Variants in PRELID2 observed in about 807,000 individuals in gnomAD.
The protein encoded by PRELID2 is PRELI domain containing 2, also known as PRELI domain-containing protein 2.
Under a neutral mutation model 28.4 loss-of-function variants are expected in PRELID2, and 25 were observed. The ratio of observed to expected loss-of-function variants is 0.88; its 90% CI spans 0.64 to 1.23. PRELID2 has a LOEUF of 1.23. PRELID2 is among the 50% of genes most tolerant of loss of function. The probability of loss-of-function intolerance (pLI) is 0.00; values close to 1 mark genes in which losing one functional copy is unlikely to be tolerated. For synonymous variants in PRELID2, 76 were observed against 71.6 expected, an observed-to-expected ratio of 1.06 and a Z score of -0.31; for missense variants, 201 against 214.4, an observed-to-expected ratio of 0.94 and a Z score of 0.39.
chr5:145,495,352 C>T (rs553443169), intron 1 of PRELID2, among the ~76,000 whole-genome samples: 1 of 152,320 alleles, frequency 6.6e-6, no homozygotes, highest in South Asian at 2.1e-4. Flanking sequence ...TCTGCTAGAA[C>T]TATTTTTGGA....
chr5:145,575,526 AC>A (rs1468606374), intron 1 of PRELID2, among the ~76,000 whole-genome samples: 13 of 152,146 alleles, frequency 8.5e-5, no homozygotes, highest in Non-Finnish European at 1.8e-4. Flanking sequence ...ATGTAAAGGG[AC>A]CTTTCTATAG....
At chr5:145,472,902 A>C (rs1320967141) in intron 2 of PRELID2, among the ~76,000 whole-genome samples, 2 of 152,146 alleles carry the variant, frequency 1.3e-5, no homozygotes, top group African/African-American at 4.8e-5. Flanking sequence ...TCATTAAACT[A>C]TTATTTTCTA....
chr5:145,565,993 C>T (rs986451128), intron 1 of PRELID2, among the ~76,000 whole-genome samples: 2 of 152,206 alleles, frequency 1.3e-5, no homozygotes, highest in African/African-American at 2.4e-5. Context: ...GTCAACTCTA[C>T]GTGAAGCTCA....
rs551491390 is a variant in PRELID2, at chr5:145,659,728, G to A, written n.70+105203C>T. Among the ~76,000 whole-genome samples the A allele has an allele frequency of 3.1e-3, 472 of 152,302 alleles. 2 individuals carry two copies. The highest frequency in any genetic ancestry group is 4.6e-3 in the Admixed American group (71 of 15,300). ...ATGTGGCCTCTGGCCACCCAGCCTC[G>A]TGTAAATGCACTATTGATTTTTCCA... is the stretch of plus-strand genomic sequence containing the variant. On this transcript the variant is annotated intron_variant and non_coding_transcript_variant, in intron 1 of 2. Coordinates refer to the PRELID2 transcript ENST00000510259.
intron 1 of PRELID2, among the ~76,000 whole-genome samples, chr5:145,702,766 A>C (rs1561549768): frequency 6.6e-6 from 1 of 152,140 alleles, no homozygotes; most frequent in East Asian, 1.9e-4. Context: ...GAATTATCTT[A>C]AGTGATACAG....
the PRELID2 span, among the ~76,000 whole-genome samples, chr5:145,277,060 G>T: frequency 6.6e-6 from 1 of 151,996 alleles, no homozygotes; most frequent in African/African-American, 2.4e-5. Flanking sequence ...AAAAATCCCT[G>T]AAGACTGTGG....
chr5:145,589,344 T>C (rs1388399791), intron 1 of PRELID2, among the ~76,000 whole-genome samples: 2 of 152,158 alleles, frequency 1.3e-5, no homozygotes, highest in East Asian at 3.8e-4. Context: ...AGGTGAATTT[T>C]AATTTTAATA....
chr5:145,478,271 G>A (rs1752121850), intron 1 of PRELID2, among the ~76,000 whole-genome samples: 1 of 152,124 alleles, frequency 6.6e-6, no homozygotes, highest in Non-Finnish European at 1.5e-5. Flanking sequence ...ATATAGGTCA[G>A]GTGCAGTGGC....
At chr5:145,273,501 T>TAGGG in the PRELID2 span, among the ~76,000 whole-genome samples, 2 of 151,856 alleles carry the variant, frequency 1.3e-5, no homozygotes, top group South Asian at 4.2e-4. Flanking sequence ...CAAGGCACCC[T>TAGGG]AGGGAGGAAG....
At chr5:145,610,847 T>C (rs1390078732) in intron 1 of PRELID2, among the ~76,000 whole-genome samples, 2 of 151,932 alleles carry the variant, frequency 1.3e-5, no homozygotes, top group African/African-American at 4.8e-5. Context: ...TCAAAGTTAA[T>C]CACAACAGGT....
the PRELID2 span, among the ~76,000 whole-genome samples, chr5:145,276,616 C>T: frequency 6.6e-6 from 1 of 152,124 alleles, no homozygotes; most frequent in South Asian, 2.1e-4. Context: ...AAAGTCACCT[C>T]AATTTCTTAT....
At chr5:145,819,481 T>C in intron 3 of PRELID2, 1 of 1,020,224 alleles carries the variant, frequency 9.8e-7, no homozygotes, top group Admixed American at 1.9e-5. Context: ...TTTAGAGAAA[T>C]ACACATAAAG....
At chr5:145,249,406 A>G in the PRELID2 span, among the ~76,000 whole-genome samples, 1 of 152,156 alleles carries the variant, frequency 6.6e-6, no homozygotes, top group East Asian at 1.9e-4. Flanking sequence ...TGAATATATA[A>G]TACTGTCCTA....
chr5:145,647,258 C>T (rs866908347), intron 1 of PRELID2, among the ~76,000 whole-genome samples: 1 of 152,328 alleles, frequency 6.6e-6, no homozygotes, highest in Middle Eastern at 3.4e-3. Context: ...AGCAGCCTTG[C>T]TGAGCTGCGG....
rs70998036 is a variant in PRELID2, at chr5:145,758,994, A to ATTTTTTTTTTTTTTTTTTTTTTTTTTTT, written c.*1541_*1542insAAAAAAAAAAAAAAAAAAAAAAAAAAAA. 2.2e-5 allele frequency: 2 copies of ATTTTTTTTTTTTTTTTTTTTTTTTTTTT among 90,592 alleles called. No individual in the cohort carries two copies. The highest frequency in any genetic ancestry group is 3.9e-5 in the Non-Finnish European group (2 of 51,030). The allele number at this position is 90,592 out of a possible 1,614,324, so 5.6% of individuals were successfully genotyped here. A position where few individuals can be genotyped will look rare whatever the true frequency, so the allele number is the denominator to read the frequency against. On this transcript the variant is annotated 3_prime_UTR_variant, in exon 7 of 7. Transcript: ENST00000683046. ...CCAAGACTCTCCAGTAACGGCCTGA[A>ATTTTTTTTTTTTTTTTTTTTTTTTTTTT]TTTTTTTTTTTTTTTTTTTTTTTTG...
intron 1 of PRELID2, among the ~76,000 whole-genome samples, chr5:145,612,552 AC>A (rs1753632211): frequency 6.6e-6 from 1 of 152,036 alleles, no homozygotes; most frequent in South Asian, 2.1e-4. Flanking sequence ...ATTTTGGTGC[AC>A]CCATCACCCA....
intron 1 of PRELID2, among the ~76,000 whole-genome samples, chr5:145,568,982 T>C (rs1437634506): frequency 6.6e-6 from 1 of 152,262 alleles, no homozygotes. Flanking sequence ...GGTCTATTGC[T>C]GTTTGAAACT....
At chr5:145,834,349 G>A (rs1188198955) in intron 1 of PRELID2, among the ~76,000 whole-genome samples, 1 of 152,160 alleles carries the variant, frequency 6.6e-6, no homozygotes, top group Non-Finnish European at 1.5e-5. Context: ...TTCCTGACCA[G>A]CTGCCTTACC....
the PRELID2 span, among the ~76,000 whole-genome samples, chr5:145,464,058 T>C: frequency 8.5e-3 from 1,292 of 152,268 alleles, 21 homozygotes; most frequent in African/African-American, 0.029. Context: ...AGTACCCCAA[T>C]GACCTCCAAA....
Sources: gnomAD v4.1 joint callset for allele counts (sites outside exome capture counted in the v4.1 genomes callset) on GRCh38, gnomAD v4.1.1 for gene constraint, MANE v1.5 for transcripts, NCBI Gene and HGNC (gene_info 2026-07-23, HGNC 2026-07-21) for gene names.